NCKAP5: variants seen among roughly 807,000 people sequenced by gnomAD.
NCKAP5 encodes NCK associated protein 5.
A neutral mutation model predicts 167.0 loss-of-function variants in NCKAP5; 92 were observed. The ratio of observed to expected loss-of-function variants is 0.55; its 90% CI spans 0.47 to 0.66. The LOEUF is 0.66. Among genes scored for constraint, NCKAP5 ranks in the 30% least tolerant of loss-of-function variants. The pLI, the probability that NCKAP5 is intolerant of heterozygous loss-of-function variation, is 0.00. For missense variants in NCKAP5, 2,378 were observed against 2,315.0 expected (o/e 1.03, Z -0.56); for synonymous variants, 891 against 877.4 (o/e 1.02, Z -0.27).
At position 132,673,226 on chromosome 2, in the gene NCKAP5, A is replaced by G; in HGVS notation, c.*63T>C. On this transcript the variant is annotated 3_prime_UTR_variant, in exon 20 of 20. Transcript: ENST00000409261. ...TAATAAAATCACAGTATTGCTGTTAAATTTATTGAATGACTCTAGGGAAAT... is the reference window on the plus strand; with the variant it reads ...TAATAAAATCACAGTATTGCTGTTAGATTTATTGAATGACTCTAGGGAAAT... The G allele has an allele frequency of 6.8e-7, 1 of 1,475,262 alleles. No homozygotes were observed. The highest frequency in any genetic ancestry group is 9.0e-7 in the Non-Finnish European group (1 of 1,116,314). 91.4% of individuals were successfully genotyped at this position (1,475,262 alleles called of 1,614,324 possible).
At chr2:132,829,729 GA>G (rs1687386672) in intron 11 of NCKAP5, among the ~76,000 whole-genome samples, 1 of 152,152 alleles carries the variant, frequency 6.6e-6, no homozygotes, top group African/African-American at 2.4e-5. Context: ...TCTGAATCAG[GA>G]GGTGTAGGGT....
the NCKAP5 span, among the ~76,000 whole-genome samples, chr2:133,628,085 G>C: frequency 6.6e-6 from 1 of 152,252 alleles, no homozygotes; most frequent in South Asian, 2.1e-4. Context: ...ACCAGCACAA[G>C]ACAAGAATGA....
intron 19 of NCKAP5, among the ~76,000 whole-genome samples, chr2:132,721,091 C>A (rs142800007): frequency 1.3e-5 from 2 of 151,784 alleles, no homozygotes; most frequent in Non-Finnish European, 2.9e-5. Context: ...GGGCAGATCA[C>A]GAGGTCAGGA....
intron 11 of NCKAP5, among the ~76,000 whole-genome samples, chr2:132,805,542 C>A (rs1685361596): frequency 6.6e-6 from 1 of 151,324 alleles, no homozygotes; most frequent in Non-Finnish European, 1.5e-5. Context: ...CCATGGTTAT[C>A]ACTATTGGTA....
intron 3 of NCKAP5, among the ~76,000 whole-genome samples, chr2:133,505,255 A>C (rs900781012): frequency 2.0e-5 from 3 of 152,218 alleles, no homozygotes; most frequent in African/African-American, 7.2e-5. Context: ...GGGACTGCTG[A>C]GCAATTGAAC....
chr2:132,909,037 T>TA, intron 8 of NCKAP5, among the ~76,000 whole-genome samples: 1 of 152,248 alleles, frequency 6.6e-6, no homozygotes, highest in East Asian at 1.9e-4. Flanking sequence ...AAGCAGTTTT[T>TA]AAAAAATCGA....
chr2:133,629,122 C>T, the NCKAP5 span, among the ~76,000 whole-genome samples: 1 of 152,050 alleles, frequency 6.6e-6, no homozygotes, highest in South Asian at 2.1e-4. Flanking sequence ...GCAACAGAAG[C>T]AAAAATTGAC....
intron 5 of NCKAP5, among the ~76,000 whole-genome samples, chr2:133,193,064 A>G (rs1163452276): frequency 6.6e-6 from 1 of 152,264 alleles, no homozygotes; most frequent in East Asian, 1.9e-4. Flanking sequence ...GTATTTGGTG[A>G]TTAAAAAGAG....
chr2:132,676,196 T>G lies in NCKAP5; in HGVS notation c.5714-2891A>C, dbSNP rs564903259. On this transcript the variant is annotated intron_variant, in intron 19 of 19. Coordinates refer to ENST00000409261, the MANE Select transcript of NCKAP5 (RefSeq NM_207363.3). ...TTACTTTTAATTCTTGGCTCACATT[T>G]AAAGAAAATAACAAAATACCCAGTA... 3.1e-3 allele frequency among the ~76,000 whole-genome samples: 473 copies of G among 151,902 alleles called. 2 individuals are homozygous for G. The highest frequency in any genetic ancestry group is 0.011 in the African/African-American group (461 of 41,410).
intron 5 of NCKAP5, among the ~76,000 whole-genome samples, chr2:133,174,536 T>C (rs899762977): frequency 1.3e-5 from 2 of 152,258 alleles, no homozygotes; most frequent in African/African-American, 2.4e-5. Flanking sequence ...CAGGCTAAAA[T>C]CCATCACCGA....
intron 4 of NCKAP5, among the ~76,000 whole-genome samples, chr2:133,278,835 A>G: frequency 6.6e-6 from 1 of 151,976 alleles, no homozygotes; most frequent in Non-Finnish European, 1.5e-5. Context: ...CAAAAACTTA[A>G]TAGAAAAGTT....
chr2:133,643,776 C>T, the NCKAP5 span, among the ~76,000 whole-genome samples: 1 of 152,216 alleles, frequency 6.6e-6, no homozygotes, highest in Non-Finnish European at 1.5e-5. Flanking sequence ...TCACTCATTT[C>T]TCCTGCTCAC....
chr2:133,213,649 G>T, intron 5 of NCKAP5, 67 bp downstream of exon 5: 1 of 1,513,362 alleles, frequency 6.6e-7, no homozygotes, highest in Non-Finnish European at 9.1e-7. Context: ...CCTTAATGAG[G>T]CAAAGTAGCT....
the NCKAP5 span, among the ~76,000 whole-genome samples, chr2:133,632,979 C>T: frequency 6.6e-6 from 1 of 152,198 alleles, no homozygotes; most frequent in African/African-American, 2.4e-5. Flanking sequence ...ACACCGGTAG[C>T]TTGGCTGGCC....
intron 18 of NCKAP5, among the ~76,000 whole-genome samples, chr2:132,727,963 A>C (rs1300470556): frequency 3.9e-5 from 6 of 152,212 alleles, no homozygotes; most frequent in Non-Finnish European, 5.9e-5. Context: ...GTTGGGCAGA[A>C]ACTTTAGTAA....
At chr2:133,056,332 T>G (rs1473088894) in intron 6 of NCKAP5, among the ~76,000 whole-genome samples, 1 of 152,186 alleles carries the variant, frequency 6.6e-6, no homozygotes, top group Non-Finnish European at 1.5e-5. Context: ...ATATTATTAG[T>G]TTCAAATGAT....
chr2:132,963,102 T>C (rs1467449612), intron 8 of NCKAP5, among the ~76,000 whole-genome samples: 3 of 152,214 alleles, frequency 2.0e-5, no homozygotes, highest in Non-Finnish European at 2.9e-5. Flanking sequence ...ATGACTGCTA[T>C]AAAAATTCAT....
At chr2:132,765,549 G>A (rs978843575) in intron 16 of NCKAP5, among the ~76,000 whole-genome samples, 14 of 117,288 alleles carry the variant, frequency 1.2e-4, no homozygotes, top group South Asian at 1.1e-3. Context: ...TCTTGACCTT[G>A]TGACCTGCCC....
intron 7 of NCKAP5, among the ~76,000 whole-genome samples, chr2:132,982,775 G>C (rs541773678): frequency 2.2e-4 from 33 of 152,246 alleles, no homozygotes; most frequent in African/African-American, 7.5e-4. Context: ...TTTGTTTTCT[G>C]CTCCTGTGTT....
Sources: allele counts gnomAD v4.1 joint callset (sites outside exome capture counted in the v4.1 genomes callset), GRCh38; gene constraint gnomAD v4.1.1; transcripts MANE v1.5; gene names NCBI Gene and HGNC (gene_info 2026-07-23, HGNC 2026-07-21).